Variants in ANK2 observed in about 807,000 individuals in gnomAD.
ANK2 encodes the protein ankyrin-2.
A neutral mutation model predicts 360.5 loss-of-function variants in ANK2; 83 were observed. That is an observed-to-expected ratio of 0.23 (90% CI 0.19 to 0.28). The LOEUF is 0.28. Among genes scored for constraint, ANK2 ranks in the 10% least tolerant of loss-of-function variants. ANK2 has a pLI of 1.00. For synonymous variants in ANK2, 1,740 were observed against 1,759.5 expected, an observed-to-expected ratio of 0.99 and a Z score of 0.28; for missense variants, 4,201 against 4,795.7, an observed-to-expected ratio of 0.88 and a Z score of 3.66.
the ANK2 span, among the ~76,000 whole-genome samples, chr4:112,791,486 T>G: frequency 5.8e-5 from 8 of 138,904 alleles, no homozygotes; most frequent in Non-Finnish European, 1.3e-4. Flanking sequence ...CTTCTTTTTT[T>G]TTTTTTTTTT....
rs2095687146 is a variant in ANK2, at chr4:113,355,374, G to T, written c.6756G>T (p.Lys2252Asn). The change falls in exon 38 of 46, where the codon AAG becomes AAT. Residue 2252 changes from lysine (K) to asparagine (N), a missense_variant. Lys to Asn is a moderately conservative substitution (Grantham distance 94). Around this residue, in one of 4 missense-constraint regions of ANK2, gnomAD observed 2,642 missense variants for 2,714.5 expected, o/e 0.97. Transcript: ENST00000357077. ...CAGAAAGCCTTTCTTTCTCACCAAA[G>T]AAAAGTGAGGAGCAAACTGGGGAAA... is the stretch of plus-strand genomic sequence containing the variant. ...TSPESLSFSP[K>N]KSEEQTGETK... is the part of the protein sequence containing the mutation. The T allele has an allele frequency of 6.2e-6, 10 of 1,613,904 alleles. No homozygotes were observed. Among genetic ancestry groups the T allele is most frequent in the African/African-American group, 1.3e-5 (1 of 74,900 alleles).
chr4:113,204,148 T>C (rs980715229), intron 4 of ANK2, among the ~76,000 whole-genome samples: 85 of 152,228 alleles, frequency 5.6e-4, no homozygotes, highest in African/African-American at 1.9e-3. Context: ...TATTAATATA[T>C]TCTCTAATTA....
At position 113,365,204 on chromosome 4, in the gene ANK2, T is replaced by TGTGA. The variant is rs771222653; in HGVS notation, c.11032+25_11032+26insAGTG. ...GAAGGTCAAACTGTGTGTGTGTATG[T>TGTGA]GTGTGTGTGTGTGTGTGTGTGTGTG... On this transcript the variant is annotated intron_variant, in intron 41 of 45. Transcript: ENST00000357077. The TGTGA allele has an allele frequency of 3.6e-4, 107 of 297,656 alleles. No homozygotes were observed. In the South Asian group the frequency reaches 6.3e-3, roughly 18 times the overall value. 18.4% of individuals were successfully genotyped at this position (297,656 alleles called of 1,614,324 possible).
the ANK2 span, among the ~76,000 whole-genome samples, chr4:112,766,342 A>G: frequency 9.1e-4 from 139 of 152,232 alleles, 2 homozygotes; most frequent in East Asian, 0.026. Flanking sequence ...AATTTGTTGC[A>G]TAAATGAATG....
At chr4:113,147,788 T>G (rs1012890170) in intron 1 of ANK2, among the ~76,000 whole-genome samples, 1 of 152,212 alleles carries the variant, frequency 6.6e-6, no homozygotes, top group African/African-American at 2.4e-5. Flanking sequence ...CGTAAATCCT[T>G]AAAGGACCAA....
intron 4 of ANK2, among the ~76,000 whole-genome samples, chr4:113,206,419 C>T (rs1364724888): frequency 6.6e-6 from 1 of 152,160 alleles, no homozygotes. Context: ...AGGACATGAT[C>T]TTATTCCTTT....
intron 1 of ANK2, among the ~76,000 whole-genome samples, chr4:113,093,337 TC>T (rs896198155): frequency 1.3e-5 from 2 of 152,090 alleles, no homozygotes; most frequent in Non-Finnish European, 2.9e-5. Flanking sequence ...AAGAAGTAGT[TC>T]CTTTTTGTGT....
rs1588084027 is a variant in ANK2, at chr4:113,317,951, G to A, written c.2796+142G>A. The A allele has an allele frequency of 1.0e-5, 8 of 779,198 alleles. No homozygotes were observed. The East Asian group carries it at 1.9e-4, about 18-fold the overall frequency. 48.3% of individuals were successfully genotyped at this position (779,198 alleles called of 1,614,324 possible). A position where few individuals can be genotyped will look rare whatever the true frequency, so the allele number is the denominator to read the frequency against. ...GAGAAGCTAGGATAAGAGATTTGAGGGTTTTCCTAAAACATGAAAAATGTT... is the reference window on the plus strand; with the variant it reads ...GAGAAGCTAGGATAAGAGATTTGAGAGTTTTCCTAAAACATGAAAAATGTT... On this transcript the variant is annotated intron_variant, in intron 25 of 45. Coordinates refer to ENST00000357077, the MANE Select transcript of ANK2 (RefSeq NM_001148.6).
intron 1 of ANK2, among the ~76,000 whole-genome samples, chr4:112,824,136 CATCTATCTATCTATCTATCTATCTATCT>C (rs35729539): frequency 3.4e-5 from 5 of 148,062 alleles, no homozygotes; most frequent in South Asian, 2.2e-4. Flanking sequence ...AGGTCTTCAG[CATCTATCTATCTATCTATCTATCTATCT>C]ATCTATCTAT....
intron 2 of ANK2, among the ~76,000 whole-genome samples, chr4:112,949,655 C>T (rs375526441): frequency 3.9e-5 from 6 of 152,236 alleles, no homozygotes; most frequent in African/African-American, 1.4e-4. Context: ...GGGTACCACA[C>T]ACAAAAATAA....
At chr4:113,037,683 C>T (rs1051453585) in intron 2 of ANK2, among the ~76,000 whole-genome samples, 16 of 151,924 alleles carry the variant, frequency 1.1e-4, no homozygotes, top group African/African-American at 3.9e-4. Context: ...AGCACATTAT[C>T]AAGGCCCAAG....
the ANK2 span, among the ~76,000 whole-genome samples, chr4:112,812,743 T>C: frequency 0.018 from 2,682 of 152,328 alleles, 91 homozygotes; most frequent in African/African-American, 0.059. Context: ...AAGATGCTTT[T>C]GGTGAAGTTG....
Position 113,332,007 on chromosome 4 carries a change from A to G in ANK2, c.3161A>G (p.Asn1054Ser). 1 of 1,614,064 alleles carries G rather than the reference A, an allele frequency of 6.2e-7. No homozygotes were observed. Residue 1054 changes from asparagine to serine, a missense_variant, in exon 28 of 46, where the codon AAT (asparagine) becomes AGT (serine). Coordinates refer to ENST00000357077, the MANE Select transcript of ANK2 (RefSeq NM_001148.6). ...CTGCCAACGGCTCCTCCCCCACTTAATGAGGGAGAAAGTTTGGTCAGCCGC... is the reference window on the plus strand; with the variant it reads ...CTGCCAACGGCTCCTCCCCCACTTAGTGAGGGAGAAAGTTTGGTCAGCCGC... Reference protein sequence around the residue: ...LHLPTAPPPLNEGESLVSRIL... With the variant: ...LHLPTAPPPLSEGESLVSRIL...
At chr4:113,071,995 TC>T (rs2077737491) in intron 1 of ANK2, 2 of 152,210 alleles carry the variant, frequency 1.3e-5, no homozygotes. Context: ...GAGAACTAAC[TC>T]ACTATCAGGA....
rs2062893087 is a variant in ANK2, at chr4:113,282,773, G to A, written c.1980G>A (p.Lys660=). ...GAGCAGAGACAAACATTGTGACAAA[G>A]CAAGGAGTAACTCCACTCCATCTGG... ...NYGAETNIVT[K]QGVTPLHLAS... is the part of the protein sequence containing the mutation. The change falls in exon 18 of 46, where the codon AAG becomes AAA. Residue 660 remains lysine (K), a synonymous_variant. Coordinates refer to ENST00000357077, the MANE Select transcript of ANK2 (RefSeq NM_001148.6). The A allele has an allele frequency of 3.7e-6, 6 of 1,613,810 alleles. No homozygotes were observed. Among genetic ancestry groups the A allele is most frequent in the African/African-American group, 1.3e-5 (1 of 74,870 alleles).
intron 21 of ANK2, chr4:113,293,237 G>A: frequency 1.5e-6 from 1 of 688,800 alleles, no homozygotes; most frequent in Non-Finnish European, 2.7e-6. Flanking sequence ...CAAGCTTGTT[G>A]TGTTACCATG....
rs773045751 is a variant in ANK2 at position 113,354,425 on chromosome 4, G to T, written c.5807G>T (p.Arg1936Leu). The change falls in exon 38 of 46, where the codon CGC becomes CTC. Residue 1936 changes from arginine (R) to leucine (L), a missense_variant. Physicochemically the swap from Arg to Leu is moderately radical, Grantham distance 102 (BLOSUM62 -2). This residue lies in a region of ANK2 where 2,642 missense variants were observed against 2,714.5 expected (regional missense o/e 0.97). Coordinates refer to ENST00000357077, the MANE Select transcript of ANK2 (RefSeq NM_001148.6). ...GTATCGCCTGGGAGAACAGAAAAAC[G>T]CTTGCCTGTTTCACCCTCCGGAAGA... ...PPVSPGRTEK[R>L]LPVSPSGRTD... The T allele has an allele frequency of 2.1e-5, 34 of 1,613,834 alleles. No homozygotes were observed. The East Asian group carries it at 7.4e-4, about 35-fold the overall frequency.
intron 1 of ANK2, among the ~76,000 whole-genome samples, chr4:113,131,076 A>G (rs1030698167): frequency 6.6e-6 from 1 of 152,196 alleles, no homozygotes; most frequent in Admixed American, 6.5e-5. Context: ...AAGTCAAACA[A>G]ATGTTTAAAA....
chr4:113,359,731 C>T (rs1343320848), intron 38 of ANK2, among the ~76,000 whole-genome samples: 1 of 152,138 alleles, frequency 6.6e-6, no homozygotes, highest in African/African-American at 2.4e-5. Context: ...TTTGTACTTA[C>T]AATTTTGTAA....
Sources: allele counts gnomAD v4.1 joint callset (sites outside exome capture counted in the v4.1 genomes callset), GRCh38; gene constraint gnomAD v4.1.1; regional missense constraint gnomAD v4.1.1; transcripts MANE v1.5; gene names NCBI Gene and HGNC (gene_info 2026-07-23, HGNC 2026-07-21).